Variants in TAFA5 observed in about 807,000 individuals in gnomAD.
TAFA5 encodes chemokine-like protein TAFA-5.
A neutral mutation model predicts 15.3 loss-of-function variants in TAFA5; 6 were observed. The ratio of observed to expected loss-of-function variants is 0.39; its 90% confidence interval spans 0.21 to 0.77. The LOEUF (loss-of-function observed/expected upper bound fraction) is 0.77. Ranked by LOEUF, TAFA5 falls within the 30% of genes least tolerant of loss-of-function variation. The pLI is 0.41. For synonymous variants in TAFA5, 103 were observed against 80.7 expected (o/e 1.28, Z -1.48); for missense variants, 161 against 193.1 (o/e 0.83, Z 0.98).
intron 1 of TAFA5, among the ~76,000 whole-genome samples, chr22:48,611,509 A>G (rs1015208358): frequency 6.6e-6 from 1 of 152,092 alleles, no homozygotes; most frequent in Non-Finnish European, 1.5e-5. Context: ...GGCGGGAGCT[A>G]TGCCTGGCGA....
At chr22:48,512,942 AAAG>A (rs1456808434) in intron 1 of TAFA5, among the ~76,000 whole-genome samples, 1,875 of 139,482 alleles carry the variant, frequency 0.013, 37 homozygotes, top group African/African-American at 0.045. Flanking sequence ...AAAAAAAAAA[AAAG>A]AGAGAGAGAG....
chr22:48,580,422 A>G (rs569145823), intron 1 of TAFA5, among the ~76,000 whole-genome samples: 1 of 152,340 alleles, frequency 6.6e-6, no homozygotes, highest in East Asian at 1.9e-4. Flanking sequence ...TTCTTAGGAG[A>G]CACAGCACAG....
rs1928091487 is a variant in TAFA5, at chr22:48,490,120, C to T, written c.112+416C>T. Reference sequence around the variant, plus strand: ...CGGAGCGCCCTCCCCGTGCCTCAGCCCGGGACAAGGGGGGAGGCGGCGGCC... The same window carrying T: ...CGGAGCGCCCTCCCCGTGCCTCAGCTCGGGACAAGGGGGGAGGCGGCGGCC... On this transcript the variant is annotated intron_variant, in intron 1 of 3. Coordinates refer to ENST00000402357, the MANE Select transcript of TAFA5 (RefSeq NM_001082967.3). This position sits in a 1 kb window ranked among gnomAD's most constrained non-coding sequence, Gnocchi z 5.8. Among the ~76,000 whole-genome samples the T allele has an allele frequency of 6.6e-6, 1 of 152,076 alleles. No individual in the cohort carries two copies. Among genetic ancestry groups the T allele is most frequent in the South Asian group, 2.1e-4 (1 of 4,828 alleles).
intron 3 of TAFA5, among the ~76,000 whole-genome samples, chr22:48,724,162 CA>C (rs67545653): frequency 0.4 from 59,748 of 149,656 alleles, 12,653 homozygotes; most frequent in Non-Finnish European, 0.48. Context: ...TGCATTGCTG[CA>C]AGCAGGAGAG....
intron 1 of TAFA5, among the ~76,000 whole-genome samples, chr22:48,565,901 G>C (rs1292227648): frequency 6.6e-6 from 1 of 152,124 alleles, no homozygotes; most frequent in Non-Finnish European, 1.5e-5. Flanking sequence ...ATGATAGATA[G>C]ATAGATGAAT....
At chr22:48,733,225 G>C (rs961754529) in intron 3 of TAFA5, among the ~76,000 whole-genome samples, 2 of 152,170 alleles carry the variant, frequency 1.3e-5, no homozygotes, top group African/African-American at 2.4e-5. Flanking sequence ...TCACTAGGGG[G>C]ACACAGTCTT....
At chr22:48,625,876 C>G (rs1474421136) in intron 1 of TAFA5, among the ~76,000 whole-genome samples, 2 of 152,220 alleles carry the variant, frequency 1.3e-5, no homozygotes, top group Non-Finnish European at 2.9e-5. Context: ...GAAACCCCAG[C>G]AACCATTGAT....
chr22:48,613,580 C>T (rs1464525206), intron 1 of TAFA5, among the ~76,000 whole-genome samples: 2 of 152,194 alleles, frequency 1.3e-5, no homozygotes, highest in Non-Finnish European at 2.9e-5. Context: ...CTCATCTCGC[C>T]TTCCCAGCCT....
At chr22:48,639,525 T>A (rs1316177559) in intron 1 of TAFA5, among the ~76,000 whole-genome samples, 1 of 152,172 alleles carries the variant, frequency 6.6e-6, no homozygotes, top group African/African-American at 2.4e-5. Flanking sequence ...CAGGCTGAGC[T>A]CCAGACACCC....
chr22:48,641,130 T>G (rs1209239391), intron 1 of TAFA5, among the ~76,000 whole-genome samples: 1 of 151,390 alleles, frequency 6.6e-6, no homozygotes, highest in African/African-American at 2.4e-5. Flanking sequence ...TGGGACAGCT[T>G]CTGCCTGAAG....
At chr22:48,739,986 A>G (rs1223530892) in intron 3 of TAFA5, among the ~76,000 whole-genome samples, 5 of 152,104 alleles carry the variant, frequency 3.3e-5, no homozygotes. Context: ...TCGGCTTTCT[A>G]AGTGGGAGTC....
rs1249769291 is a variant in TAFA5 at position 48,512,235 on chromosome 22, G to A, written c.112+22531G>A. Reference sequence around the variant, plus strand: ...TGCTGACAGTGGGGCTGGCCCCTTCGCTGCCTCTCGCTGCGCGGCCACAGT... The same window carrying A: ...TGCTGACAGTGGGGCTGGCCCCTTCACTGCCTCTCGCTGCGCGGCCACAGT... On this transcript the variant is annotated intron_variant, in intron 1 of 3. Transcript: ENST00000402357. 3.3e-5 allele frequency among the ~76,000 whole-genome samples: 5 copies of A among 152,188 alleles called. No individual in the cohort carries two copies. The South Asian group carries it at 6.2e-4, about 19-fold the overall frequency.
chr22:48,629,702 G>A (rs1166142083), intron 1 of TAFA5, among the ~76,000 whole-genome samples: 1 of 152,220 alleles, frequency 6.6e-6, no homozygotes, highest in Non-Finnish European at 1.5e-5. Flanking sequence ...GCATGGGACA[G>A]TCCCCAGCAC....
At chr22:48,661,281 C>T (rs539555036) in intron 2 of TAFA5, among the ~76,000 whole-genome samples, 118 of 152,276 alleles carry the variant, frequency 7.7e-4, no homozygotes, top group African/African-American at 2.7e-3. Flanking sequence ...GGCCCCGAGC[C>T]GCCTCGGGCA....
At chr22:48,590,728 G>T (rs75146554) in intron 1 of TAFA5, among the ~76,000 whole-genome samples, 178 of 152,158 alleles carry the variant, frequency 1.2e-3, no homozygotes, top group African/African-American at 4.0e-3. Context: ...ATCAATGTTT[G>T]TGCCCAGCCT....
chr22:48,584,261 A>G (rs1198479549), intron 1 of TAFA5, among the ~76,000 whole-genome samples: 1 of 127,416 alleles, frequency 7.8e-6, no homozygotes, highest in East Asian at 2.3e-4. Context: ...TACAAAATAC[A>G]TCACACACCA....
At chr22:48,609,384 C>G (rs1408202747) in intron 1 of TAFA5, among the ~76,000 whole-genome samples, 1 of 152,074 alleles carries the variant, frequency 6.6e-6, no homozygotes, top group Non-Finnish European at 1.5e-5. Flanking sequence ...ACTGTCCGTG[C>G]ATTGTCTGTG....
intron 2 of TAFA5, among the ~76,000 whole-genome samples, chr22:48,663,999 G>A (rs1035638065): frequency 1.3e-5 from 2 of 152,228 alleles, no homozygotes; most frequent in African/African-American, 4.8e-5. Context: ...CACATGCTGA[G>A]GTTGCTAAGA....
intron 1 of TAFA5, among the ~76,000 whole-genome samples, chr22:48,537,428 G>A (rs1293840882): frequency 6.6e-6 from 1 of 152,236 alleles, no homozygotes; most frequent in Non-Finnish European, 1.5e-5. Context: ...CCCAGGGCAG[G>A]CCATGTCTGT....
Sources: gnomAD v4.1 joint callset for allele counts (sites outside exome capture counted in the v4.1 genomes callset) on GRCh38, gnomAD v4.1.1 for gene constraint, Gnocchi (gnomAD v3.1) non-coding constraint, MANE v1.5 for transcripts, NCBI Gene and HGNC (gene_info 2026-07-23, HGNC 2026-07-21) for gene names.